The following EFNA5 variants were observed in gnomAD, a reference collection of about 807,000 sequenced individuals.
EFNA5 encodes the protein ephrin-A5.
Under a neutral mutation model 22.9 loss-of-function variants are expected in EFNA5, and 5 were observed. The observed-to-expected ratio is 0.22, with a 90% CI of 0.11 to 0.46. EFNA5 has a LOEUF of 0.46. Among genes scored for constraint, EFNA5 ranks in the 20% least tolerant of loss-of-function variants. The pLI is 0.99. For synonymous variants in EFNA5, 113 were observed against 112.2 expected, an observed-to-expected ratio of 1.01 and a Z score of -0.04; for missense variants, 237 against 293.3, an observed-to-expected ratio of 0.81 and a Z score of 1.40.
chr5:107,401,837 G>C (rs71575437), intron 2 of EFNA5, among the ~76,000 whole-genome samples: 23 of 152,190 alleles, frequency 1.5e-4, no homozygotes, highest in African/African-American at 5.3e-4. Flanking sequence ...CGGCTCCGGG[G>C]AAGTTGGCCC....
intron 1 of EFNA5, among the ~76,000 whole-genome samples, chr5:107,463,702 TGCTATA>T (rs549229519): frequency 6.4e-4 from 98 of 152,310 alleles, no homozygotes; most frequent in Non-Finnish European, 1.2e-3. Flanking sequence ...AACTCAGGGA[TGCTATA>T]GCTATAAGAA....
intron 1 of EFNA5, among the ~76,000 whole-genome samples, chr5:107,452,325 G>C (rs576797113): frequency 3.7e-4 from 56 of 151,278 alleles, no homozygotes; most frequent in African/African-American, 1.3e-3. Flanking sequence ...CAAGTATCCC[G>C]TTTTTTTTCT....
intron 1 of EFNA5, among the ~76,000 whole-genome samples, chr5:107,535,291 C>A: frequency 6.6e-6 from 1 of 152,068 alleles, no homozygotes; most frequent in African/African-American, 2.4e-5. Context: ...GCCTAATGAC[C>A]CCCACCTAAC....
At chr5:107,403,245 C>G (rs1748130504) in intron 2 of EFNA5, among the ~76,000 whole-genome samples, 1 of 152,152 alleles carries the variant, frequency 6.6e-6, no homozygotes, top group South Asian at 2.1e-4. Flanking sequence ...AACTTGTGAT[C>G]CCTTTGATGA....
intron 2 of EFNA5, among the ~76,000 whole-genome samples, chr5:107,393,906 G>C (rs1747851464): frequency 6.6e-6 from 1 of 152,180 alleles, no homozygotes. Context: ...TGGGGAAACA[G>C]AAGAAGTGGT....
At chr5:107,491,298 C>T (rs369597893) in intron 1 of EFNA5, among the ~76,000 whole-genome samples, 24 of 152,242 alleles carry the variant, frequency 1.6e-4, no homozygotes, top group East Asian at 7.7e-4. Flanking sequence ...GCAATACAGA[C>T]GGCCCCTCCC....
chr5:107,544,880 T>C (rs1382203939), intron 1 of EFNA5, among the ~76,000 whole-genome samples: 1 of 152,230 alleles, frequency 6.6e-6, no homozygotes, highest in Non-Finnish European at 1.5e-5. Context: ...CTCAGATATG[T>C]GATAAACAAA....
In EFNA5 at chr5:107,670,801, G is replaced by A. The variant is rs1377785966; in HGVS notation, c.-188C>T. On this transcript the variant is annotated 5_prime_UTR_variant, in exon 1 of 5. Transcript: ENST00000333274. ...CTGGGGAGGGGTAGGAGAGCGAGAA[G>A]AAAAGAAGGCGGTGGGATGGGGGGT... is the stretch of plus-strand genomic sequence containing the variant. 1 of 726,664 alleles carries A rather than the reference G, an allele frequency of 1.4e-6. No individual in the cohort carries two copies. The allele number at this position is 726,664 out of a possible 1,614,324, so 45.0% of individuals were successfully genotyped here. A position where few individuals can be genotyped will look rare whatever the true frequency, so the allele number is the denominator to read the frequency against.
intron 1 of EFNA5, 133 bp from the exon 2 acceptor site, chr5:107,427,642 G>T: frequency 1.3e-6 from 1 of 743,136 alleles, no homozygotes; most frequent in Non-Finnish European, 2.0e-6. Context: ...ATGCCATTAT[G>T]ATTTGGGGCA....
chr5:107,567,309 A>G (rs910494725), intron 1 of EFNA5, among the ~76,000 whole-genome samples: 1 of 152,214 alleles, frequency 6.6e-6, no homozygotes, highest in Non-Finnish European at 1.5e-5. Flanking sequence ...AAAAATGTAT[A>G]TAAGTTCTTC....
intron 1 of EFNA5, among the ~76,000 whole-genome samples, chr5:107,582,371 G>C (rs1197656915): frequency 6.6e-6 from 1 of 152,172 alleles, no homozygotes; most frequent in African/African-American, 2.4e-5. Flanking sequence ...CTGAGATGAT[G>C]CTTTGTTCAC....
At chr5:107,517,478 C>G (rs1747505473) in intron 1 of EFNA5, among the ~76,000 whole-genome samples, 1 of 152,184 alleles carries the variant, frequency 6.6e-6, no homozygotes. Context: ...AGTAATAGTA[C>G]TGACCTCATA....
chr5:107,443,589 C>A (rs1003419260), intron 1 of EFNA5, among the ~76,000 whole-genome samples: 2 of 152,114 alleles, frequency 1.3e-5, no homozygotes, highest in African/African-American at 4.8e-5. Context: ...CTGAAAAATT[C>A]TTCTTGCCAT....
intron 1 of EFNA5, among the ~76,000 whole-genome samples, chr5:107,477,703 T>A (rs909782489): frequency 2.0e-5 from 3 of 152,234 alleles, no homozygotes; most frequent in African/African-American, 4.8e-5. Flanking sequence ...GACTAACTTC[T>A]ACCTGCACTG....
chr5:107,626,779 A>C (rs1240216142), intron 1 of EFNA5, among the ~76,000 whole-genome samples: 1 of 152,186 alleles, frequency 6.6e-6, no homozygotes, highest in Non-Finnish European at 1.5e-5. Flanking sequence ...TTTAGATTTA[A>C]GTTTGGTTTT....
chr5:107,491,035 T>A (rs1746791296), intron 1 of EFNA5, among the ~76,000 whole-genome samples: 1 of 152,240 alleles, frequency 6.6e-6, no homozygotes, highest in African/African-American at 2.4e-5. Flanking sequence ...TTACATTTAT[T>A]CTCATTCAAG....
At chr5:107,437,499 A>C (rs150740064) in intron 1 of EFNA5, among the ~76,000 whole-genome samples, 221 of 152,356 alleles carry the variant, frequency 1.5e-3, no homozygotes, top group African/African-American at 5.0e-3. Flanking sequence ...ATTCATCCAA[A>C]GTCAATGTAT....
At chr5:107,592,574 C>G (rs1206558901) in intron 1 of EFNA5, among the ~76,000 whole-genome samples, 1 of 152,134 alleles carries the variant, frequency 6.6e-6, no homozygotes, top group Non-Finnish European at 1.5e-5. Flanking sequence ...GACAGACCAA[C>G]AATATGTTAT....
chr5:107,513,605 C>G (rs153101), intron 1 of EFNA5, among the ~76,000 whole-genome samples: 1 of 151,954 alleles, frequency 6.6e-6, no homozygotes, highest in Non-Finnish European at 1.5e-5. Flanking sequence ...GACACCCCAC[C>G]GAAATCAACT....
Sources: gnomAD v4.1 joint callset for allele counts (sites outside exome capture counted in the v4.1 genomes callset) on GRCh38, gnomAD v4.1.1 for gene constraint, MANE v1.5 for transcripts, NCBI Gene and HGNC (gene_info 2026-07-23, HGNC 2026-07-21) for gene names.